CNTLN: variants seen among roughly 807,000 people sequenced by gnomAD.
CNTLN encodes centlein, also known as centlein, centrosomal protein.
Under a neutral mutation model 180.0 loss-of-function variants are expected in CNTLN, and 212 were observed. That is an observed-to-expected ratio of 1.18 (90% confidence interval 1.05 to 1.32). The LOEUF is 1.32. Ranked by LOEUF, CNTLN falls within the 40% of genes most tolerant of loss-of-function variation. CNTLN has a pLI of 0.00. For missense variants in CNTLN, 2,095 were observed against 1,610.9 expected (o/e 1.30, Z -5.14); for synonymous variants, 722 against 563.1 (o/e 1.28, Z -3.99).
intron 16 of CNTLN, among the ~76,000 whole-genome samples, chr9:17,411,600 T>C (rs537132765): frequency 6.6e-6 from 1 of 152,194 alleles, no homozygotes; most frequent in South Asian, 2.1e-4. Context: ...GAGAGGTGGG[T>C]GAGCCATTGT....
intron 10 of CNTLN, among the ~76,000 whole-genome samples, chr9:17,335,428 A>C (rs1010633946): frequency 6.6e-6 from 1 of 152,010 alleles, no homozygotes; most frequent in Non-Finnish European, 1.5e-5. Flanking sequence ...GAGGCAGGAG[A>C]ATTGCTTGAA....
chr9:17,312,624 C>G (rs1285784597), intron 8 of CNTLN, among the ~76,000 whole-genome samples: 2 of 143,616 alleles, frequency 1.4e-5, no homozygotes, highest in African/African-American at 5.2e-5. Flanking sequence ...AGGACAATCT[C>G]GATCTCCTGG....
At chr9:17,265,985 A>G (rs1471473324) in intron 5 of CNTLN, among the ~76,000 whole-genome samples, 2 of 151,898 alleles carry the variant, frequency 1.3e-5, no homozygotes, top group Admixed American at 6.6e-5. Flanking sequence ...TTTTCAAAAA[A>G]CCAGCTCCTG....
chr9:17,415,746 T>C lies in CNTLN; in HGVS notation c.2797-42T>C, dbSNP rs1431962484. The C allele has an allele frequency of 3.5e-6, 4 of 1,153,250 alleles. No individual in the cohort carries two copies. The South Asian group carries it at 3.8e-5, about 11-fold the overall frequency. The allele number at this position is 1,153,250 out of a possible 1,614,324, so 71.4% of individuals were successfully genotyped here. A position where few individuals can be genotyped will look rare whatever the true frequency, so the allele number is the denominator to read the frequency against. On this transcript the variant is annotated intron_variant, in intron 16 of 25. Transcript: ENST00000380647. The stretch of plus-strand genomic sequence containing the variant: ...TTTATATCAGTTCACTTGATGTTGT[T>C]ATTGAAGAATAATACCATTTTTATG...
rs1316495136 is a variant in CNTLN, at chr9:17,496,428, G to C, written c.4120-6123G>C. Reference sequence around the variant, plus strand: ...CACATAGCAGAGTGAGCAAGGGAGCGAGTAAGCTCTCCTATCTCTTTTTAT... The same window carrying C: ...CACATAGCAGAGTGAGCAAGGGAGCCAGTAAGCTCTCCTATCTCTTTTTAT... On this transcript the variant is annotated intron_variant, in intron 25 of 25. Coordinates refer to ENST00000380647, the MANE Select transcript of CNTLN (RefSeq NM_017738.4). Among the ~76,000 whole-genome samples the C allele has an allele frequency of 3.3e-5, 5 of 152,240 alleles. No individual in the cohort carries two copies. The East Asian group carries it at 9.7e-4, about 29-fold the overall frequency.
chr9:17,262,648 A>G (rs763209539), intron 5 of CNTLN, among the ~76,000 whole-genome samples: 1 of 151,418 alleles, frequency 6.6e-6, no homozygotes, highest in Non-Finnish European at 1.5e-5. Flanking sequence ...CACCTAGTTG[A>G]TGGGTTGATG....
intron 3 of CNTLN, among the ~76,000 whole-genome samples, chr9:17,228,045 G>T (rs922822132): frequency 6.6e-6 from 1 of 151,980 alleles, no homozygotes; most frequent in Non-Finnish European, 1.5e-5. Flanking sequence ...AGATTCAGGC[G>T]ATTTGAGAAA....
At chr9:17,478,408 G>A (rs1341976940) in intron 23 of CNTLN, among the ~76,000 whole-genome samples, 2 of 152,086 alleles carry the variant, frequency 1.3e-5, no homozygotes, top group Non-Finnish European at 2.9e-5. Flanking sequence ...TTAGTTTGAT[G>A]TAGTCCTACT....
chr9:17,276,402 A>C (rs1470267639), intron 6 of CNTLN, among the ~76,000 whole-genome samples: 1 of 152,118 alleles, frequency 6.6e-6, no homozygotes, highest in Non-Finnish European at 1.5e-5. Flanking sequence ...AAGACATATG[A>C]AGCCATAATT....
At chr9:17,290,903 C>T (rs1829350748) in intron 6 of CNTLN, among the ~76,000 whole-genome samples, 1 of 152,192 alleles carries the variant, frequency 6.6e-6, no homozygotes, top group African/African-American at 2.4e-5. Flanking sequence ...CCTGCGCCCA[C>T]TGTCTGGCAC....
At chr9:17,487,444 C>T (rs1014792066) in intron 25 of CNTLN, among the ~76,000 whole-genome samples, 2 of 152,044 alleles carry the variant, frequency 1.3e-5, no homozygotes, top group African/African-American at 4.8e-5. Context: ...TTTCAGTGAC[C>T]TTTTACTATG....
the CNTLN span, among the ~76,000 whole-genome samples, chr9:17,523,654 T>C: frequency 2.6e-5 from 4 of 152,226 alleles, no homozygotes; most frequent in Admixed American, 2.0e-4. Flanking sequence ...ATTTGCTTTG[T>C]TTTTATTTAA....
At chr9:17,392,356 G>C (rs1479206982) in intron 14 of CNTLN, among the ~76,000 whole-genome samples, 10 of 152,142 alleles carry the variant, frequency 6.6e-5, no homozygotes, top group Non-Finnish European at 1.5e-5. Flanking sequence ...ATATGCAAAA[G>C]TATTTTAAAA....
At chr9:17,430,409 T>C (rs1587973439) in intron 18 of CNTLN, among the ~76,000 whole-genome samples, 3 of 152,058 alleles carry the variant, frequency 2.0e-5, no homozygotes, top group African/African-American at 7.2e-5. Flanking sequence ...TATTTACCCA[T>C]TTTAAAATTA....
At chr9:17,168,276 C>G (rs757463394) in intron 2 of CNTLN, 3 of 152,014 alleles carry the variant, frequency 2.0e-5, no homozygotes, top group Non-Finnish European at 2.9e-5. Context: ...GTGTTTAGAT[C>G]CAAGCGCTAT....
chr9:17,154,949 C>T, intron 2 of CNTLN, among the ~76,000 whole-genome samples: 1 of 152,196 alleles, frequency 6.6e-6, no homozygotes, highest in Non-Finnish European at 1.5e-5. Flanking sequence ...GTCCGCACTA[C>T]CTTTGTGAGC....
At chr9:17,521,770 A>G in the CNTLN span, among the ~76,000 whole-genome samples, 3 of 152,188 alleles carry the variant, frequency 2.0e-5, no homozygotes, top group Non-Finnish European at 4.4e-5. Context: ...TACAAGCCAT[A>G]ATTGCCAGGA....
At chr9:17,468,393 A>C (rs1423894001) in intron 23 of CNTLN, among the ~76,000 whole-genome samples, 1 of 151,532 alleles carries the variant, frequency 6.6e-6, no homozygotes, top group Non-Finnish European at 1.5e-5. Flanking sequence ...AACTAAAATT[A>C]AAGTTATATA....
chr9:17,350,177 T>G (rs1345358542), intron 12 of CNTLN, among the ~76,000 whole-genome samples: 6 of 152,232 alleles, frequency 3.9e-5, no homozygotes, highest in Non-Finnish European at 8.8e-5. Flanking sequence ...GGGGCTCAAG[T>G]GCAGCAGAAA....
Sources: gnomAD v4.1 joint callset for allele counts (sites outside exome capture counted in the v4.1 genomes callset) on GRCh38, gnomAD v4.1.1 for gene constraint, MANE v1.5 for transcripts, NCBI Gene and HGNC (gene_info 2026-07-23, HGNC 2026-07-21) for gene names.